CSMD1: variants seen among roughly 807,000 people sequenced by gnomAD.
CSMD1 encodes CUB and Sushi multiple domains 1, also known as CUB and sushi domain-containing protein 1.
CSMD1 carries 213 observed loss-of-function variants against 417.5 expected under a neutral mutation model. That is an observed-to-expected ratio of 0.51 (90% CI 0.46 to 0.57). The LOEUF is 0.57. Among genes scored for constraint, CSMD1 ranks in the 20% least tolerant of loss-of-function variants. The pLI, the probability that CSMD1 is intolerant of heterozygous loss-of-function variation, is 0.00. For synonymous variants in CSMD1, 2,862 were observed against 1,736.8 expected, an observed-to-expected ratio of 1.65 and a Z score of -16.11; for missense variants, 6,923 against 4,529.7, an observed-to-expected ratio of 1.53 and a Z score of -15.17.
rs1287177263 is a variant in CSMD1, at chr8:3,439,320, TAA to T, written c.1561+29390_1561+29391del. ...ATATATATATATATATTTTTTTTTT[TAA>T]TATGTATTTTTAATTTTGGACATTT... On this transcript the variant is annotated intron_variant, in intron 12 of 69. Transcript: ENST00000635120. Among the ~76,000 whole-genome samples the T allele has an allele frequency of 8.0e-4, 107 of 133,692 alleles. 1 individual carries two copies. Among genetic ancestry groups the T allele is most frequent in the African/African-American group, 2.5e-3 (88 of 35,564 alleles). 87.7% of individuals were successfully genotyped at this position (133,692 alleles called of 152,430 possible).
chr8:3,399,174 T>G (rs1253943763), intron 16 of CSMD1, among the ~76,000 whole-genome samples: 2 of 152,118 alleles, frequency 1.3e-5, no homozygotes, highest in African/African-American at 4.8e-5. Context: ...GACTGGCAGT[T>G]CCCCTACTAA....
intron 5 of CSMD1, among the ~76,000 whole-genome samples, chr8:3,791,655 C>T (rs1799747573): frequency 6.6e-6 from 1 of 152,080 alleles, no homozygotes; most frequent in Non-Finnish European, 1.5e-5. Context: ...AAAAACCCAT[C>T]TCTAGAAAAG....
At chr8:2,963,496 A>C in intron 59 of CSMD1, 101 bp from the exon 60 acceptor site, 2 of 1,183,416 alleles carry the variant, frequency 1.7e-6, no homozygotes, top group Non-Finnish European at 2.4e-6. Context: ...TACAAATGAC[A>C]TCTACATAGG....
At chr8:3,847,930 A>T in intron 5 of CSMD1, among the ~76,000 whole-genome samples, 1 of 151,876 alleles carries the variant, frequency 6.6e-6, no homozygotes, top group Non-Finnish European at 1.5e-5. Flanking sequence ...GTAAGTGCAT[A>T]TTTTCTTGGC....
At chr8:4,766,774 G>T (rs554635808) in intron 1 of CSMD1, among the ~76,000 whole-genome samples, 1 of 152,138 alleles carries the variant, frequency 6.6e-6, no homozygotes, top group Non-Finnish European at 1.5e-5. Context: ...AGGTTTGTAC[G>T]CACAATGAGA....
chr8:4,815,019 A>G (rs1282279308), intron 1 of CSMD1, among the ~76,000 whole-genome samples: 1 of 152,076 alleles, frequency 6.6e-6, no homozygotes, highest in East Asian at 1.9e-4. Context: ...AATTATATAG[A>G]ATTAGTTTAA....
chr8:4,457,983 C>T (rs1210291854), intron 2 of CSMD1, among the ~76,000 whole-genome samples: 1 of 152,174 alleles, frequency 6.6e-6, no homozygotes, highest in East Asian at 1.9e-4. Context: ...TGGTTGGTGG[C>T]ACTTCCCCTG....
chr8:3,594,895 G>C (rs935827802), intron 8 of CSMD1, among the ~76,000 whole-genome samples: 1 of 152,118 alleles, frequency 6.6e-6, no homozygotes, highest in Non-Finnish European at 1.5e-5. Context: ...AATACCTTTG[G>C]AACTAATGTG....
At chr8:4,434,477 C>G (rs893061837) in intron 2 of CSMD1, among the ~76,000 whole-genome samples, 1 of 152,152 alleles carries the variant, frequency 6.6e-6, no homozygotes, top group Admixed American at 6.5e-5. Context: ...CACACTCTAA[C>G]AGAAGGAAAG....
intron 13 of CSMD1, among the ~76,000 whole-genome samples, chr8:3,408,910 T>C (rs1812514494): frequency 6.6e-6 from 1 of 152,180 alleles, no homozygotes; most frequent in South Asian, 2.1e-4. Context: ...GCTATAGTTA[T>C]TTACAAATAA....
In CSMD1 at chr8:3,742,749, AAAAAC is replaced by A. The variant is rs530814010; in HGVS notation, c.931+11176_931+11180del. Among the ~76,000 whole-genome samples, 333 of 152,316 alleles carry A rather than the reference AAAAAC, an allele frequency of 2.2e-3. 1 individual carries two copies. Among genetic ancestry groups the A allele is most frequent in the African/African-American group, 7.5e-3 (311 of 41,564 alleles). On this transcript the variant is annotated intron_variant, in intron 6 of 69. Coordinates refer to ENST00000635120, the MANE Select transcript of CSMD1 (RefSeq NM_033225.6). ...GAGAGAGAGAGAGAAGAAAAAAAACAAAAACAAAACGAAACGAAACAAAAACACCA... is the reference window on the plus strand; with the variant it reads ...GAGAGAGAGAGAGAAGAAAAAAAACAAAAACGAAACGAAACAAAAACACCA...
chr8:4,107,060 G>C lies in CSMD1; in HGVS notation c.416-74961C>G, dbSNP rs980310107. 2.6e-5 allele frequency among the ~76,000 whole-genome samples: 4 copies of C among 152,102 alleles called. No homozygotes were observed. In the East Asian group the frequency reaches 5.8e-4, roughly 22 times the overall value. ...ATATCACGCGGCACATCTCCAAGCA[G>C]GCATCCATGTCAACGACAACATGAA... On this transcript the variant is annotated intron_variant, in intron 3 of 69. Coordinates refer to ENST00000635120, the MANE Select transcript of CSMD1 (RefSeq NM_033225.6).
chr8:3,725,729 C>G (rs1802450108), intron 6 of CSMD1, among the ~76,000 whole-genome samples: 1 of 152,176 alleles, frequency 6.6e-6, no homozygotes, highest in South Asian at 2.1e-4. Context: ...GGGCCACATA[C>G]CAACTGCTGT....
At chr8:3,788,328 G>C (rs1018085410) in intron 5 of CSMD1, among the ~76,000 whole-genome samples, 5 of 152,070 alleles carry the variant, frequency 3.3e-5, no homozygotes, top group Non-Finnish European at 5.9e-5. Flanking sequence ...TTAAGGGATG[G>C]GCTTTAGGTA....
At chr8:4,210,389 C>T (rs937594784) in intron 3 of CSMD1, among the ~76,000 whole-genome samples, 8 of 152,142 alleles carry the variant, frequency 5.3e-5, no homozygotes, top group Non-Finnish European at 1.2e-4. Flanking sequence ...TTTTTCTTCT[C>T]AGGATTTTAT....
chr8:4,068,424 G>T (rs539070941), intron 3 of CSMD1, among the ~76,000 whole-genome samples: 1 of 152,108 alleles, frequency 6.6e-6, no homozygotes, highest in African/African-American at 2.4e-5. Flanking sequence ...GAAAAGCACG[G>T]TTACAGAAAA....
chr8:3,979,757 A>G (rs1463395792), intron 5 of CSMD1, among the ~76,000 whole-genome samples: 3 of 152,232 alleles, frequency 2.0e-5, no homozygotes, highest in Non-Finnish European at 4.4e-5. Flanking sequence ...CAGAACTGTG[A>G]GAAATAAGTG....
intron 3 of CSMD1, among the ~76,000 whole-genome samples, chr8:4,151,995 G>A (rs1185938949): frequency 1.3e-5 from 2 of 151,946 alleles, no homozygotes; most frequent in African/African-American, 2.4e-5. Context: ...GGTTTGCTAG[G>A]GGGTCATTTT....
At chr8:4,818,407 C>A (rs571488040) in intron 1 of CSMD1, among the ~76,000 whole-genome samples, 1 of 152,104 alleles carries the variant, frequency 6.6e-6, no homozygotes, top group Non-Finnish European at 1.5e-5. Context: ...AATATAACAT[C>A]GTTTTCTTTT....
Sources: allele counts gnomAD v4.1 joint callset (sites outside exome capture counted in the v4.1 genomes callset), GRCh38; gene constraint gnomAD v4.1.1; transcripts MANE v1.5; gene names NCBI Gene and HGNC (gene_info 2026-07-23, HGNC 2026-07-21).